Variants in SRGAP2C observed in about 807,000 individuals in gnomAD.
The protein encoded by SRGAP2C is SLIT-ROBO Rho GTPase-activating protein 2C.
Under a neutral mutation model 25.1 loss-of-function variants are expected in SRGAP2C, and 15 were observed. The ratio of observed to expected loss-of-function variants is 0.60; its 90% CI spans 0.40 to 0.92. The LOEUF is 0.92. Among genes scored for constraint, SRGAP2C ranks in the 40% least tolerant of loss-of-function variants. SRGAP2C has a pLI of 0.00. For missense variants in SRGAP2C, 144 were observed against 264.4 expected (o/e 0.54, Z 3.16); for synonymous variants, 44 against 96.6 (o/e 0.46, Z 3.19).
intron 2 of SRGAP2C, among the ~76,000 whole-genome samples, chr1:121,239,267 C>G (rs1263288357): frequency 9.4e-4 from 2 of 2,124 alleles, no homozygotes. Flanking sequence ...TATATATATA[C>G]TATATATATA....
At chr1:121,275,470 A>G (rs1167209381) in intron 2 of SRGAP2C, among the ~76,000 whole-genome samples, 6 of 94,094 alleles carry the variant, frequency 6.4e-5, no homozygotes, top group Non-Finnish European at 1.1e-4. Flanking sequence ...AGTTAATTCT[A>G]AATTTTGGAC....
intron 4 of SRGAP2C, among the ~76,000 whole-genome samples, chr1:121,357,730 G>C (rs1236516832): frequency 2.2e-4 from 22 of 98,346 alleles, no homozygotes; most frequent in African/African-American, 9.0e-4. Context: ...CAGGACCTTC[G>C]CAATTCCACA....
At chr1:121,282,760 A>G (rs1463259467) in intron 2 of SRGAP2C, among the ~76,000 whole-genome samples, 4 of 143,906 alleles carry the variant, frequency 2.8e-5, no homozygotes, top group African/African-American at 7.7e-5. Flanking sequence ...GGGTTTCACC[A>G]TGTTAGCCAG....
intron 4 of SRGAP2C, among the ~76,000 whole-genome samples, chr1:121,329,468 G>T (rs1342139727): frequency 1.5e-5 from 2 of 134,450 alleles, no homozygotes; most frequent in Non-Finnish European, 3.2e-5. Context: ...CATCAACATT[G>T]GATTGTTTTT....
intron 2 of SRGAP2C, among the ~76,000 whole-genome samples, chr1:121,235,400 C>G (rs1655933504): frequency 1.3e-5 from 1 of 74,956 alleles, no homozygotes; most frequent in Admixed American, 1.5e-4. Context: ...TAGGTAGCCT[C>G]AGATCTACCA....
At chr1:121,258,067 G>A (rs1656522170) in intron 2 of SRGAP2C, among the ~76,000 whole-genome samples, 1 of 151,928 alleles carries the variant, frequency 6.6e-6, no homozygotes, top group South Asian at 2.1e-4. Flanking sequence ...TTACCTTGTA[G>A]TGATGTTGCT....
intron 2 of SRGAP2C, among the ~76,000 whole-genome samples, chr1:121,188,110 G>T (rs1553319233): frequency 6.6e-6 from 1 of 152,190 alleles, no homozygotes; most frequent in African/African-American, 2.4e-5. Flanking sequence ...AGAGAATAAG[G>T]CCACCCACAC....
intron 4 of SRGAP2C, chr1:121,360,898 G>T (rs1323410277): frequency 6.6e-6 from 1 of 150,522 alleles, no homozygotes; most frequent in African/African-American, 2.5e-5. Context: ...TTAGGGTGGG[G>T]AGGGGATAGT....
intron 3 of SRGAP2C, chr1:121,315,111 C>T (rs1202364873): frequency 6.2e-5 from 33 of 532,886 alleles, no homozygotes; most frequent in East Asian, 2.9e-4. Context: ...CTGGTGCAGG[C>T]GGCACGGCTC....
intron 2 of SRGAP2C, among the ~76,000 whole-genome samples, chr1:121,284,081 T>C (rs2101567169): frequency 6.6e-6 from 1 of 152,118 alleles, no homozygotes; most frequent in East Asian, 1.9e-4. Flanking sequence ...AAAAACTCTT[T>C]CCAAGTCTTC....
chr1:121,308,571 T>A (rs1352050501), intron 3 of SRGAP2C, among the ~76,000 whole-genome samples: 1 of 148,420 alleles, frequency 6.7e-6, no homozygotes, highest in Non-Finnish European at 1.5e-5. Flanking sequence ...AGCCCAGGAG[T>A]TTGAGGCTAC....
At chr1:121,340,298 G>C (rs1345614447) in intron 4 of SRGAP2C, among the ~76,000 whole-genome samples, 6 of 151,868 alleles carry the variant, frequency 4.0e-5, no homozygotes, top group Non-Finnish European at 5.9e-5. Context: ...TGCTCTCAGA[G>C]TCAGTGGTCT....
intron 2 of SRGAP2C, among the ~76,000 whole-genome samples, chr1:121,191,247 GT>G (rs1205675972): frequency 6.6e-6 from 1 of 152,006 alleles, no homozygotes; most frequent in African/African-American, 2.4e-5. Context: ...AGATGCTCAA[GT>G]CCCTGATAAA....
chr1:121,368,401 T>C (rs1659398366), intron 5 of SRGAP2C, among the ~76,000 whole-genome samples: 1 of 89,374 alleles, frequency 1.1e-5, no homozygotes, highest in Non-Finnish European at 2.2e-5. Context: ...CAAGACTCTG[T>C]CTCAAAAAAA....
chr1:121,362,334 T>G (rs1659214131), intron 4 of SRGAP2C: 1 of 147,694 alleles, frequency 6.8e-6, no homozygotes, highest in Admixed American at 6.8e-5. Context: ...TACACATGTA[T>G]TCCCAGCCCA....
chr1:121,374,515 G>A (rs1370091165), intron 6 of SRGAP2C, among the ~76,000 whole-genome samples: 1 of 152,118 alleles, frequency 6.6e-6, no homozygotes, highest in Non-Finnish European at 1.5e-5. Flanking sequence ...TTGGTTTCAG[G>A]TATCAGGTGT....
intron 8 of SRGAP2C, among the ~76,000 whole-genome samples, chr1:121,384,808 G>A (rs1321334312): frequency 1.2e-4 from 18 of 151,994 alleles, no homozygotes; most frequent in South Asian, 4.1e-4. Context: ...CCCTGGTAGC[G>A]GACCACTGTC....
intron 2 of SRGAP2C, among the ~76,000 whole-genome samples, chr1:121,218,568 C>T (rs1271074450): frequency 1.4e-5 from 2 of 137,932 alleles, no homozygotes; most frequent in East Asian, 2.1e-4. Context: ...GGTGAAACCC[C>T]GTCTCTACTA....
At chr1:121,209,110 TTTCTC>T (rs1553323087) in intron 2 of SRGAP2C, among the ~76,000 whole-genome samples, 1 of 115,994 alleles carries the variant, frequency 8.6e-6, no homozygotes, top group Non-Finnish European at 1.8e-5. Flanking sequence ...TATCTGTACT[TTTCTC>T]TTCCTCATTC....
Sources: gnomAD v4.1 joint callset for allele counts (sites outside exome capture counted in the v4.1 genomes callset) on GRCh38, gnomAD v4.1.1 for gene constraint, MANE v1.5 for transcripts, NCBI Gene and HGNC (gene_info 2026-07-23, HGNC 2026-07-21) for gene names.